The following SLC13A5 variants were observed in gnomAD, a reference collection of about 807,000 sequenced individuals.
The protein encoded by SLC13A5 is solute carrier family 13 member 5.
In SLC13A5, 25 loss-of-function variants were observed where a neutral mutation model predicts 56.5. The observed-to-expected ratio is 0.44, with a 90% CI of 0.32 to 0.62. The LOEUF (loss-of-function observed/expected upper bound fraction) is 0.62. Ranked by LOEUF, SLC13A5 falls within the 20% of genes least tolerant of loss-of-function variation. The pLI, the probability that SLC13A5 is intolerant of heterozygous loss-of-function variation, is 0.04. For synonymous variants in SLC13A5, 307 were observed against 301.5 expected (o/e 1.02, Z -0.19); for missense variants, 649 against 737.8 (o/e 0.88, Z 1.39).
At chr17:6,686,513 G>T in intron 11 of SLC13A5, 175 bp from the exon 12 acceptor site, 1 of 688,680 alleles carries the variant, frequency 1.5e-6, no homozygotes, top group Non-Finnish European at 2.4e-6. Flanking sequence ...TATCCTCAGT[G>T]CTCAAGGCAT....
At position 6,692,945 on chromosome 17, in the gene SLC13A5, A is replaced by G. The variant is rs1973450244; in HGVS notation, c.1275+99T>C. Reference sequence around the variant, plus strand: ...GAATGTGCGGTTATACGAAGGATGCAGGCACAGAAACACACAAGCCCAGGG... The same window carrying G: ...GAATGTGCGGTTATACGAAGGATGCGGGCACAGAAACACACAAGCCCAGGG... On this transcript the variant is annotated intron_variant, in intron 9 of 11. Coordinates refer to ENST00000433363, the MANE Select transcript of SLC13A5 (RefSeq NM_177550.5). This position sits in a 1 kb window ranked among gnomAD's most constrained non-coding sequence, Gnocchi z 5.5. 1.1e-6 allele frequency: 1 copy of G among 890,018 alleles called. No individual in the cohort carries two copies. The highest frequency in any genetic ancestry group is 1.8e-5 in the Admixed American group (1 of 56,902). 55.1% of individuals were successfully genotyped at this position (890,018 alleles called of 1,614,324 possible).
chr17:6,689,317 A>T, intron 10 of SLC13A5: 1 of 152,214 alleles, frequency 6.6e-6, no homozygotes, highest in Admixed American at 6.5e-5. Context: ...TGGGTACCTC[A>T]TGGTGTCTGC....
At position 6,692,552 on chromosome 17, in the gene SLC13A5, G is replaced by C. The variant is rs1597659045; in HGVS notation, c.1275+492C>G. On this transcript the variant is annotated intron_variant, in intron 9 of 11. Transcript: ENST00000433363. The surrounding 1 kb of genome is among the most constrained non-coding windows in gnomAD (Gnocchi z 5.5). ...GCTCATTTCTTCCCCAGGAGGGAAAGAAGGAGGTAAAGAAAGTTATATTTT... is the reference window on the plus strand; with the variant it reads ...GCTCATTTCTTCCCCAGGAGGGAAACAAGGAGGTAAAGAAAGTTATATTTT... Among the ~76,000 whole-genome samples, 2 of 152,358 alleles carry C rather than the reference G, an allele frequency of 1.3e-5. No individual in the cohort carries two copies. The highest frequency in any genetic ancestry group is 4.1e-4 in the South Asian group (2 of 4,828).
intron 1 of SLC13A5, among the ~76,000 whole-genome samples, chr17:6,709,878 C>T (rs1973974294): frequency 6.6e-6 from 1 of 152,206 alleles, no homozygotes; most frequent in Admixed American, 6.5e-5. Context: ...GTTGTGGGAG[C>T]TGTGCACTGC....
chr17:6,695,299 G>C lies in SLC13A5; in HGVS notation c.1055+427C>G, dbSNP rs139853780. The C allele has an allele frequency of 3.8e-3, 629 of 167,230 alleles. 4 individuals carry two copies. Among genetic ancestry groups the C allele is most frequent in the African/African-American group, 0.014 (577 of 41,802 alleles). 10.4% of individuals were successfully genotyped at this position (167,230 alleles called of 1,614,324 possible). On this transcript the variant is annotated intron_variant, in intron 7 of 11. Coordinates refer to ENST00000433363, the MANE Select transcript of SLC13A5 (RefSeq NM_177550.5). Reference sequence around the variant, plus strand: ...CAGCTCCCAAAAGAGGAAAAGTCTTGACCAAGCATGAGTGCCTGGCCCACA... The same window carrying C: ...CAGCTCCCAAAAGAGGAAAAGTCTTCACCAAGCATGAGTGCCTGGCCCACA...
At chr17:6,703,840 G>C (rs1391185240) in intron 4 of SLC13A5, 38 bp downstream of exon 4, 3 of 1,496,968 alleles carry the variant, frequency 2.0e-6, no homozygotes, top group South Asian at 2.7e-5. Flanking sequence ...GGGGAAGGCT[G>C]CTGTTGTGGC....
Position 6,692,893 on chromosome 17 carries a change from T to TG in SLC13A5, c.1275+150dup. The TG allele has an allele frequency of 3.0e-6, 2 of 660,104 alleles. No individual in the cohort carries two copies. The highest frequency in any genetic ancestry group is 2.4e-5 in the Admixed American group (1 of 42,100). 40.9% of individuals were successfully genotyped at this position (660,104 alleles called of 1,614,324 possible). A position where few individuals can be genotyped will look rare whatever the true frequency, so the allele number is the denominator to read the frequency against. On this transcript the variant is annotated intron_variant, in intron 9 of 11. Coordinates refer to ENST00000433363, the MANE Select transcript of SLC13A5 (RefSeq NM_177550.5). The surrounding 1 kb of genome is among the most constrained non-coding windows in gnomAD (Gnocchi z 5.5). ...CTGTGTGTGGTGTAGAGTTCCTAGA[T>TG]GACAAGACAGAGTCCATGTCCTCAA...
intron 6 of SLC13A5, among the ~76,000 whole-genome samples, chr17:6,698,435 C>T (rs1384290074): frequency 1.3e-5 from 2 of 152,228 alleles, no homozygotes; most frequent in African/African-American, 4.8e-5. Flanking sequence ...CGGCGCCATG[C>T]TATCTCCCTC....
chr17:6,707,024 T>A lies in SLC13A5; in HGVS notation c.231+4A>T. The A allele has an allele frequency of 6.2e-7, 1 of 1,613,746 alleles. No individual in the cohort carries two copies. The highest frequency in any genetic ancestry group is 8.5e-7 in the Non-Finnish European group (1 of 1,179,990). On this transcript the variant is annotated splice_donor_region_variant and intron_variant, in intron 2 of 11. Coordinates refer to ENST00000433363, the MANE Select transcript of SLC13A5 (RefSeq NM_177550.5). ...AGTCACCAGGATCCCTTGGGTCTGC[T>A]CACCTGCCTGGAGTCCAGAATCTGG...
chr17:6,709,659 T>A (rs1272986978), intron 1 of SLC13A5, among the ~76,000 whole-genome samples: 1 of 152,126 alleles, frequency 6.6e-6, no homozygotes, highest in Non-Finnish European at 1.5e-5. Context: ...CTGTACACAA[T>A]CCCTGCTTCT....
At chr17:6,686,627 A>G (rs1973259630) in intron 11 of SLC13A5, 2 of 353,546 alleles carry the variant, frequency 5.7e-6, no homozygotes, top group African/African-American at 2.1e-5. Flanking sequence ...ATTCAGGGAA[A>G]CGGTCACAGA....
In SLC13A5 at chr17:6,701,045, C is replaced by G; in HGVS notation, c.798G>C (p.Leu266=). The G allele has an allele frequency of 1.9e-6, 3 of 1,614,186 alleles. No individual in the cohort carries two copies. Among genetic ancestry groups the G allele is most frequent in the Admixed American group, 3.3e-5 (2 of 60,030 alleles). ...FAFPNMLVML[L]FAWLWLQFVY... is the part of the protein sequence containing the mutation. The stretch of plus-strand genomic sequence containing the variant: ...CAAACTGGAGCCACAGCCAGGCGAA[C>G]AGCAGCATCACCAGCATGTTGGGAA... The change falls in exon 6 of 12, where the codon CTG becomes CTC. Residue 266 remains leucine (L), a synonymous_variant. Transcript: ENST00000433363. This position sits in a 1 kb window ranked among gnomAD's most constrained non-coding sequence, Gnocchi z 4.1.
chr17:6,703,062 C>A lies in SLC13A5; in HGVS notation c.624G>T (p.Met208Ile). 10 of 1,614,234 alleles carry A rather than the reference C, an allele frequency of 6.2e-6. No individual in the cohort carries two copies. Among genetic ancestry groups the A allele is most frequent in the Non-Finnish European group, 8.5e-6 (10 of 1,180,046 alleles). ...DQERKRLCKA[M>I]TLCICYAASI... ...TGGCCGCGTAGCAGATGCACAGGGT[C>A]ATGGCCTTACACAACCTCTTCCGCT... The change falls in exon 5 of 12, where the codon ATG (methionine) becomes ATT (isoleucine). Residue 208 changes from methionine (M) to isoleucine (I), a missense_variant. Transcript: ENST00000433363.
At chr17:6,699,088 T>TAAATAAATA (rs1486449355) in intron 6 of SLC13A5, among the ~76,000 whole-genome samples, 1 of 87,074 alleles carries the variant, frequency 1.1e-5, no homozygotes, top group African/African-American at 4.0e-5. Context: ...AATAAATAAA[T>TAAATAAATA]AAAATAAAAT....
chr17:6,708,413 C>T (rs949763326), intron 1 of SLC13A5, among the ~76,000 whole-genome samples: 2 of 152,194 alleles, frequency 1.3e-5, no homozygotes, highest in Admixed American at 6.5e-5. Context: ...GTGCGTGACT[C>T]GAAAGCACAA....
intron 1 of SLC13A5, among the ~76,000 whole-genome samples, chr17:6,707,983 TG>T (rs1293319690): frequency 3.9e-5 from 6 of 152,188 alleles, no homozygotes; most frequent in African/African-American, 1.4e-4. Context: ...TTTTTGTGTG[TG>T]TGTGTGTGAC....
Position 6,686,217 on chromosome 17 carries a change from A to G in SLC13A5, c.1697T>C (p.Ile566Thr). The G allele has an allele frequency of 6.2e-7, 1 of 1,614,002 alleles. No individual in the cohort carries two copies. The highest frequency in any genetic ancestry group is 8.5e-7 in the Non-Finnish European group (1 of 1,180,016). Residue 566 changes from isoleucine (I) to threonine (T), a missense_variant, in exon 12 of 12, where the codon ATT becomes ACT. Transcript: ENST00000433363. ...HFPDWANVTH[I>T]ET ...GTCTTGTGGCTCTTCCTAAGTCTCAATATGTGTCACATTAGCCCAGTCAGG... is the reference window on the plus strand; with the variant it reads ...GTCTTGTGGCTCTTCCTAAGTCTCAGTATGTGTCACATTAGCCCAGTCAGG...
chr17:6,701,963 A>C lies in SLC13A5; in HGVS notation c.717-837T>G, dbSNP rs758908312. 3.3e-5 allele frequency among the ~76,000 whole-genome samples: 5 copies of C among 152,294 alleles called. No homozygotes were observed. Among genetic ancestry groups the C allele is most frequent in the Non-Finnish European group, 7.4e-5 (5 of 68,024 alleles). Reference sequence around the variant, plus strand: ...CGCCCCCTTTAGCTCAAGAGTGTCAAAGCAGGCGCAGAGCTTTCCCCACTC... The same window carrying C: ...CGCCCCCTTTAGCTCAAGAGTGTCACAGCAGGCGCAGAGCTTTCCCCACTC... On this transcript the variant is annotated intron_variant, in intron 5 of 11. Transcript: ENST00000433363. The surrounding 1 kb of genome is among the most constrained non-coding windows in gnomAD (Gnocchi z 4.1).
In SLC13A5 at chr17:6,694,179, A is replaced by G. The variant is rs369156060; in HGVS notation, c.1074T>C (p.Thr358=). Residue 358 remains threonine (T), a synonymous_variant, in exon 8 of 12, where the codon ACT becomes ACC. Coordinates refer to ENST00000433363, the MANE Select transcript of SLC13A5 (RefSeq NM_177550.5). ...GCAGGGTGGCCACAAAGATGGCCAC[A>G]GTGGCATCGGAGACATACCTAGGTG... The part of the protein sequence containing the change: ...EGETKYVSDA[T]VAIFVATLLF... The G allele has an allele frequency of 1.6e-5, 26 of 1,611,994 alleles. No individual in the cohort carries two copies. The African/African-American group carries it at 2.7e-4, about 17-fold the overall frequency.
Sources: gnomAD v4.1 joint callset for allele counts (sites outside exome capture counted in the v4.1 genomes callset) on GRCh38, gnomAD v4.1.1 for gene constraint, Gnocchi (gnomAD v3.1) non-coding constraint, MANE v1.5 for transcripts, NCBI Gene and HGNC (gene_info 2026-07-23, HGNC 2026-07-21) for gene names.